Variants in ANK2 observed in about 807,000 individuals in gnomAD.
ANK2 encodes the protein ankyrin-2.
A neutral mutation model predicts 360.5 loss-of-function variants in ANK2; 83 were observed. The ratio of observed to expected loss-of-function variants is 0.23; its 90% confidence interval spans 0.19 to 0.28. ANK2 has a LOEUF of 0.28. Among genes scored for constraint, ANK2 ranks in the 10% least tolerant of loss-of-function variants. The pLI is 1.00. For missense variants in ANK2, 4,201 were observed against 4,795.7 expected, an observed-to-expected ratio of 0.88 and a Z score of 3.66; for synonymous variants, 1,740 against 1,759.5, an observed-to-expected ratio of 0.99 and a Z score of 0.28.
At chr4:113,193,764 A>T (rs1301621537) in intron 2 of ANK2, among the ~76,000 whole-genome samples, 1 of 152,146 alleles carries the variant, frequency 6.6e-6, no homozygotes, top group Non-Finnish European at 1.5e-5. Context: ...TTCCTTCACA[A>T]TTACTGCCTT....
Position 113,369,643 on chromosome 4 carries a change from A to T in ANK2, c.11448A>T (p.Thr3816=), listed in dbSNP as rs1196674245. 1 of 1,613,966 alleles carries T rather than the reference A, an allele frequency of 6.2e-7. No homozygotes were observed. Among genetic ancestry groups the T allele is most frequent in the East Asian group, 2.2e-5 (1 of 44,880 alleles). ...EEEKLYLQTP[T]SSERGGSPII... ...AGAAGCTGTACCTCCAGACCCCAAC[A>T]TCCAGCGAGCGGGGAGGCTCTCCCA... Residue 3816 remains threonine (T), a synonymous_variant, in exon 43 of 46, where the codon ACA becomes ACT. Transcript: ENST00000357077.
intron 5 of ANK2, among the ~76,000 whole-genome samples, chr4:113,232,694 A>G (rs3025746): frequency 7.2e-5 from 1 of 13,894 alleles, no homozygotes; most frequent in African/African-American, 1.6e-4. Context: ...GAATGTCATT[A>G]AAAAAAAACC....
chr4:112,921,341 T>C (rs1269902595), intron 2 of ANK2, among the ~76,000 whole-genome samples: 2 of 151,912 alleles, frequency 1.3e-5, no homozygotes, highest in Non-Finnish European at 2.9e-5. Flanking sequence ...GTGTATTATT[T>C]TCTTATGAGA....
chr4:112,846,744 G>T (rs1234580912), intron 1 of ANK2, among the ~76,000 whole-genome samples: 1 of 152,062 alleles, frequency 6.6e-6, no homozygotes, highest in East Asian at 1.9e-4. Context: ...ATATGTTGAT[G>T]ATCCCTGCAT....
intron 1 of ANK2, among the ~76,000 whole-genome samples, chr4:113,164,903 A>G (rs2097697689): frequency 1.3e-5 from 2 of 152,226 alleles, no homozygotes; most frequent in Admixed American, 1.3e-4. Flanking sequence ...AATATTTCTT[A>G]AAGAAAGAAT....
rs749554923 is a variant in ANK2 at position 113,282,920 on chromosome 4, A to G, written c.2079+48A>G. The G allele has an allele frequency of 4.4e-6, 7 of 1,593,732 alleles. No homozygotes were observed. In the South Asian group the frequency reaches 6.6e-5, roughly 15 times the overall value. ...AATCAAGAGTGTTTTGGATGCATGTAAACAGGAACCAATCGCAGACAGTTT... is the reference window on the plus strand; with the variant it reads ...AATCAAGAGTGTTTTGGATGCATGTGAACAGGAACCAATCGCAGACAGTTT... On this transcript the variant is annotated intron_variant, in intron 18 of 45. Coordinates refer to ENST00000357077, the MANE Select transcript of ANK2 (RefSeq NM_001148.6).
intron 2 of ANK2, among the ~76,000 whole-genome samples, chr4:113,007,158 A>G (rs57613404): frequency 0.14 from 21,745 of 152,168 alleles, 1,955 homozygotes; most frequent in East Asian, 0.39. Context: ...ACTTATTTTA[A>G]CTTATAATAA....
chr4:113,151,087 GC>G (rs1303694748), intron 1 of ANK2: 1 of 1,288,694 alleles, frequency 7.8e-7, no homozygotes, highest in African/African-American at 1.5e-5. Flanking sequence ...CAGGTGACAT[GC>G]CCCCAGATGA....
intron 10 of ANK2, among the ~76,000 whole-genome samples, chr4:113,254,152 C>T (rs568665251): frequency 6.6e-6 from 1 of 152,324 alleles, no homozygotes; most frequent in South Asian, 2.1e-4. Flanking sequence ...ATTGCACTCA[C>T]GTACACAAAC....
chr4:112,724,400 T>C, the ANK2 span, among the ~76,000 whole-genome samples: 5 of 152,130 alleles, frequency 3.3e-5, no homozygotes, highest in African/African-American at 1.2e-4. Flanking sequence ...ATTGATTCAT[T>C]TGACAAATAT....
chr4:113,199,130 C>A (rs2153406087), intron 4 of ANK2, 21 bp downstream of exon 4: 1 of 1,550,016 alleles, frequency 6.5e-7, no homozygotes, highest in Non-Finnish European at 8.9e-7. Context: ...CAGATTTTCC[C>A]TGATGTACAT....
intron 1 of ANK2, among the ~76,000 whole-genome samples, chr4:113,061,132 A>G (rs1411447873): frequency 6.6e-6 from 1 of 151,878 alleles, no homozygotes; most frequent in Middle Eastern, 3.2e-3. Flanking sequence ...GTTTTTTTGG[A>G]TGGGTAGGAG....
chr4:112,851,607 A>G (rs1023072558), intron 1 of ANK2, among the ~76,000 whole-genome samples: 2 of 151,886 alleles, frequency 1.3e-5, no homozygotes, highest in Non-Finnish European at 2.9e-5. Context: ...TCGAATATTA[A>G]AGTACAATTA....
At chr4:112,977,639 C>T (rs954846748) in intron 2 of ANK2, among the ~76,000 whole-genome samples, 3 of 131,044 alleles carry the variant, frequency 2.3e-5, no homozygotes, top group Non-Finnish European at 3.2e-5. Flanking sequence ...TAGGTATACA[C>T]GTCCATGGTG....
intron 4 of ANK2, among the ~76,000 whole-genome samples, chr4:113,210,187 T>A (rs1480216165): frequency 6.6e-6 from 1 of 152,224 alleles, no homozygotes; most frequent in Non-Finnish European, 1.5e-5. Flanking sequence ...GATTTTCCTT[T>A]ATTTCTATGC....
chr4:112,811,805 G>A, the ANK2 span, among the ~76,000 whole-genome samples: 5 of 152,198 alleles, frequency 3.3e-5, no homozygotes, highest in Middle Eastern at 0.014. Flanking sequence ...GGCCGGGCGC[G>A]GTGGCTCACG....
chr4:112,833,649 G>A (rs984162886), intron 1 of ANK2, among the ~76,000 whole-genome samples: 1 of 151,992 alleles, frequency 6.6e-6, no homozygotes, highest in African/African-American at 2.4e-5. Flanking sequence ...GACCACAGGC[G>A]CCCGACACCA....
chr4:113,048,272 ATATATTT>A (rs1295764289), upstream of ANK2, among the ~76,000 whole-genome samples: 18 of 47,942 alleles, frequency 3.8e-4, no homozygotes, highest in East Asian at 5.5e-4. Flanking sequence ...ATATATATAT[ATATATTT>A]TTTTTTTTTT....
At chr4:112,992,804 A>G (rs969082141) in intron 2 of ANK2, among the ~76,000 whole-genome samples, 1 of 152,174 alleles carries the variant, frequency 6.6e-6, no homozygotes, top group African/African-American at 2.4e-5. Context: ...GGGGTTTAAC[A>G]TATACATTTT....
Sources: allele counts gnomAD v4.1 joint callset (sites outside exome capture counted in the v4.1 genomes callset), GRCh38; gene constraint gnomAD v4.1.1; transcripts MANE v1.5; gene names NCBI Gene and HGNC (gene_info 2026-07-23, HGNC 2026-07-21).